CFAP58: variants seen among roughly 807,000 people sequenced by gnomAD.
CFAP58 encodes the protein cilia- and flagella-associated protein 58.
In CFAP58, 88 loss-of-function variants were observed where a neutral mutation model predicts 119.5. The ratio of observed to expected loss-of-function variants is 0.74; its 90% confidence interval spans 0.62 to 0.88. The LOEUF (loss-of-function observed/expected upper bound fraction) is 0.88. Ranked by LOEUF, CFAP58 falls within the 40% of genes least tolerant of loss-of-function variation. The pLI, the probability that CFAP58 is intolerant of heterozygous loss-of-function variation, is 0.00. For synonymous variants in CFAP58, 365 were observed against 366.3 expected, an observed-to-expected ratio of 1.00 and a Z score of 0.04; for missense variants, 990 against 1,021.2, an observed-to-expected ratio of 0.97 and a Z score of 0.42.
At chr10:104,378,683 C>A (rs1317494687) in intron 8 of CFAP58, among the ~76,000 whole-genome samples, 1 of 152,164 alleles carries the variant, frequency 6.6e-6, no homozygotes, top group Non-Finnish European at 1.5e-5. Context: ...ATGGCTGTCA[C>A]CAATAGCTCC....
intron 2 of CFAP58, among the ~76,000 whole-genome samples, chr10:104,361,505 T>C (rs1295992937): frequency 6.6e-6 from 1 of 152,228 alleles, no homozygotes; most frequent in Non-Finnish European, 1.5e-5. Flanking sequence ...AGTCTATCAA[T>C]TTAGGGCTTG....
chr10:104,441,274 A>G (rs2013033053), intron 15 of CFAP58, among the ~76,000 whole-genome samples: 1 of 152,250 alleles, frequency 6.6e-6, no homozygotes, highest in African/African-American at 2.4e-5. Context: ...AAGTGCTGGG[A>G]TTACAGGCGT....
At chr10:104,372,771 C>T (rs921877804) in intron 7 of CFAP58, among the ~76,000 whole-genome samples, 2 of 152,220 alleles carry the variant, frequency 1.3e-5, no homozygotes, top group Admixed American at 6.5e-5. Flanking sequence ...ACCCATTTGG[C>T]GTTGAGCCCA....
upstream of CFAP58, among the ~76,000 whole-genome samples, chr10:104,352,751 C>G (rs1342704623): frequency 2.0e-5 from 3 of 152,158 alleles, no homozygotes; most frequent in Non-Finnish European, 4.4e-5. Flanking sequence ...TACCTAACAC[C>G]TGGGGAATGG....
intron 9 of CFAP58, among the ~76,000 whole-genome samples, chr10:104,387,711 A>G (rs2011952046): frequency 6.6e-6 from 1 of 152,200 alleles, no homozygotes; most frequent in Non-Finnish European, 1.5e-5. Flanking sequence ...TGTTCTAGAT[A>G]AAACCACTCC....
intron 7 of CFAP58, among the ~76,000 whole-genome samples, chr10:104,373,726 A>T (rs1271209738): frequency 6.6e-6 from 1 of 152,162 alleles, no homozygotes; most frequent in Non-Finnish European, 1.5e-5. Flanking sequence ...AACATATGAA[A>T]ATAGAAATGA....
chr10:104,338,893 A>G, the CFAP58 span, among the ~76,000 whole-genome samples: 1 of 150,640 alleles, frequency 6.6e-6, no homozygotes, highest in Admixed American at 6.6e-5. Flanking sequence ...AAAGGATTAA[A>G]ATAGCTTACT....
In CFAP58 at chr10:104,392,409, T is replaced by C. The variant is rs369994052; in HGVS notation, c.1527+15T>C. The stretch of plus-strand genomic sequence containing the variant: ...TTGAGGCTCAGGTAAATAATATATT[T>C]ATATCCTTACATTTTGATTTATTTT... On this transcript the variant is annotated intron_variant, in intron 10 of 17. Coordinates refer to ENST00000369704, the MANE Select transcript of CFAP58 (RefSeq NM_001008723.2). 4.0e-6 allele frequency: 6 copies of C among 1,502,332 alleles called. No homozygotes were observed. In the African/African-American group the frequency reaches 7.1e-5, roughly 18 times the overall value. 93.1% of individuals were successfully genotyped at this position (1,502,332 alleles called of 1,614,324 possible). A position where few individuals can be genotyped will look rare whatever the true frequency, so the allele number is the denominator to read the frequency against.
intron 15 of CFAP58, among the ~76,000 whole-genome samples, chr10:104,426,439 C>G (rs2012747226): frequency 6.6e-6 from 1 of 151,648 alleles, no homozygotes; most frequent in African/African-American, 2.4e-5. Context: ...CCCCCCGCCG[C>G]CTTCCATCAT....
intron 15 of CFAP58, among the ~76,000 whole-genome samples, chr10:104,427,566 T>C (rs1376593925): frequency 6.6e-6 from 1 of 152,220 alleles, no homozygotes; most frequent in Non-Finnish European, 1.5e-5. Context: ...GCACCTCATT[T>C]AGTGCTCACA....
At chr10:104,377,237 G>C (rs569014752) in intron 8 of CFAP58, among the ~76,000 whole-genome samples, 5 of 152,246 alleles carry the variant, frequency 3.3e-5, no homozygotes, top group African/African-American at 1.2e-4. Flanking sequence ...ATCTATAATC[G>C]ACAACTTGCT....
intron 2 of CFAP58, among the ~76,000 whole-genome samples, chr10:104,361,291 T>C (rs1396402816): frequency 6.6e-6 from 1 of 152,202 alleles, no homozygotes; most frequent in Non-Finnish European, 1.5e-5. Context: ...ATGGGTTTTC[T>C]CCCATATATA....
At chr10:104,430,193 G>C (rs1276777840) in intron 15 of CFAP58, among the ~76,000 whole-genome samples, 1 of 152,220 alleles carries the variant, frequency 6.6e-6, no homozygotes, top group Non-Finnish European at 1.5e-5. Context: ...TTAGCCTGAA[G>C]TTACTTGTTG....
intron 13 of CFAP58, 86 bp from the exon 14 acceptor site, chr10:104,403,643 C>T: frequency 1.2e-6 from 1 of 802,160 alleles, no homozygotes; most frequent in Non-Finnish European, 2.0e-6. Context: ...TTATATAAGA[C>T]ATAGTGTGTA....
At chr10:104,362,714 C>A (rs745529551) in intron 3 of CFAP58, among the ~76,000 whole-genome samples, 1 of 152,210 alleles carries the variant, frequency 6.6e-6, no homozygotes, top group Non-Finnish European at 1.5e-5. Flanking sequence ...TTGGCAGTAG[C>A]GTCCTAACTG....
rs1564889450 is a variant in CFAP58 at position 104,392,185 on chromosome 10, GC to G, written c.1366-47del. On this transcript the variant is annotated intron_variant, in intron 9 of 17. Coordinates refer to ENST00000369704, the MANE Select transcript of CFAP58 (RefSeq NM_001008723.2). Reference sequence around the variant, plus strand: ...AACTCCATTTGTCCTGAACCAATAAGCACAGATGGGCTATTTAACCACATTC... The same window carrying G: ...AACTCCATTTGTCCTGAACCAATAAGACAGATGGGCTATTTAACCACATTC... 5.8e-6 allele frequency: 9 copies of G among 1,542,754 alleles called. No homozygotes were observed. In the African/African-American group the frequency reaches 1.2e-4, roughly 21 times the overall value.
At chr10:104,399,082 T>A (rs1589921970) in intron 11 of CFAP58, among the ~76,000 whole-genome samples, 1 of 152,120 alleles carries the variant, frequency 6.6e-6, no homozygotes, top group Admixed American at 6.6e-5. Context: ...ATGAAGCCCC[T>A]GCTACACATA....
intron 9 of CFAP58, chr10:104,382,462 G>T: frequency 2.3e-6 from 1 of 426,092 alleles, no homozygotes; most frequent in Non-Finnish European, 4.3e-6. Context: ...ATTCCAGTGT[G>T]GTTTTATTAT....
At chr10:104,411,550 T>A (rs905968998) in intron 15 of CFAP58, among the ~76,000 whole-genome samples, 1 of 152,194 alleles carries the variant, frequency 6.6e-6, no homozygotes, top group South Asian at 2.1e-4. Context: ...TCAGAAAGCC[T>A]TTATTTGGGG....
Sources: gnomAD v4.1 joint callset for allele counts (sites outside exome capture counted in the v4.1 genomes callset) on GRCh38, gnomAD v4.1.1 for gene constraint, MANE v1.5 for transcripts, NCBI Gene and HGNC (gene_info 2026-07-23, HGNC 2026-07-21) for gene names.